ZFHX4: variants seen among roughly 807,000 people sequenced by gnomAD.
The protein encoded by ZFHX4 is zinc finger homeobox protein 4.
Under a neutral mutation model 267.6 loss-of-function variants are expected in ZFHX4, and 56 were observed. That is an observed-to-expected ratio of 0.21 (90% confidence interval 0.17 to 0.26). ZFHX4 has a LOEUF of 0.26. Among genes scored for constraint, ZFHX4 ranks in the 10% least tolerant of loss-of-function variants. The pLI is 1.00. For missense variants in ZFHX4, 4,332 were observed against 4,420.0 expected, an observed-to-expected ratio of 0.98 and a Z score of 0.56; for synonymous variants, 1,778 against 1,665.6, an observed-to-expected ratio of 1.07 and a Z score of -1.64.
At chr8:76,839,100 A>AGAGAGAGAGAGAGAG (rs1491427018) in intron 5 of ZFHX4, among the ~76,000 whole-genome samples, 3 of 137,764 alleles carry the variant, frequency 2.2e-5, no homozygotes, top group Non-Finnish European at 4.7e-5. Flanking sequence ...AGAGAGAGAG[A>AGAGAGAGAGAGAGAG]AGGACAATGG....
intron 3 of ZFHX4, among the ~76,000 whole-genome samples, chr8:76,763,381 G>A (rs1338377684): frequency 2.6e-5 from 4 of 152,166 alleles, no homozygotes; most frequent in Non-Finnish European, 5.9e-5. Flanking sequence ...CCAGCACTTT[G>A]GGAGGCTGAG....
At chr8:76,792,349 A>G (rs1273568077) in intron 4 of ZFHX4, among the ~76,000 whole-genome samples, 3 of 152,186 alleles carry the variant, frequency 2.0e-5, no homozygotes, top group East Asian at 3.8e-4. Flanking sequence ...GCAGGTGTCT[A>G]TTAAAACAAA....
chr8:76,814,596 A>C (rs1422919296), intron 4 of ZFHX4, among the ~76,000 whole-genome samples: 1 of 152,176 alleles, frequency 6.6e-6, no homozygotes, highest in African/African-American at 2.4e-5. Flanking sequence ...AAATTAGAAA[A>C]ATATAGTTTG....
chr8:76,792,594 C>A (rs1040157643), intron 4 of ZFHX4, among the ~76,000 whole-genome samples: 23 of 152,126 alleles, frequency 1.5e-4, no homozygotes, highest in Admixed American at 2.0e-4. Context: ...AAAGGAAGGT[C>A]CAATAATAGA....
chr8:76,683,494 C>T (rs951668001), intron 1 of ZFHX4, among the ~76,000 whole-genome samples: 1 of 151,654 alleles, frequency 6.6e-6, no homozygotes, highest in Non-Finnish European at 1.5e-5. Context: ...GCAGGTTCAC[C>T]AGGAAATCTG....
intron 4 of ZFHX4, among the ~76,000 whole-genome samples, chr8:76,793,723 GT>G (rs1810899162): frequency 6.6e-6 from 1 of 152,156 alleles, no homozygotes; most frequent in African/African-American, 2.4e-5. Context: ...AGGTTGGTCT[GT>G]AGTTTCATTC....
chr8:76,708,831 A>G lies in ZFHX4; in HGVS notation c.3093+783A>G, dbSNP rs975400230. Among the ~76,000 whole-genome samples the G allele has an allele frequency of 3.0e-4, 46 of 152,128 alleles. 3 individuals are homozygous for G. The highest frequency in any genetic ancestry group is 7.4e-5 in the Non-Finnish European group (5 of 68,020). The stretch of plus-strand genomic sequence containing the variant: ...ATATTTTCTGCAGTTTGTTCACTGG[A>G]TTGTCTTGATTGTCTTGGTTCATGT... On this transcript the variant is annotated intron_variant, in intron 3 of 10. Transcript: ENST00000651372.
At chr8:76,774,365 A>C (rs1441470703) in intron 3 of ZFHX4, among the ~76,000 whole-genome samples, 1 of 152,184 alleles carries the variant, frequency 6.6e-6, no homozygotes. Flanking sequence ...ATTCAGATTT[A>C]AAAATAGACG....
rs377065920 is a variant in ZFHX4, at chr8:76,829,669, C to T, written c.3326-3669C>T. 4.6e-4 allele frequency among the ~76,000 whole-genome samples: 70 copies of T among 152,112 alleles called. No homozygotes were observed. In the South Asian group the frequency reaches 0.014, roughly 30 times the overall value. On this transcript the variant is annotated intron_variant, in intron 4 of 10. Transcript: ENST00000651372. ...ACTAAAAATACAAAAATTAGCTGGG[C>T]ATGGTAGTGCGTGGCTATAATCCCA...
Position 76,853,668 on chromosome 8 carries a change from T to C in ZFHX4, c.6747T>C (p.Ala2249=). Residue 2249 remains alanine, a synonymous_variant, in exon 10 of 11, where the codon GCT becomes GCC. Coordinates refer to ENST00000651372, the MANE Select transcript of ZFHX4 (RefSeq NM_024721.5). ...RVLQDFFDTN[A]YPKDDEIEQL... ...TGCAAGACTTTTTTGACACAAACGCTTACCCAAAAGATGATGAAATAGAAC... is the reference window on the plus strand; with the variant it reads ...TGCAAGACTTTTTTGACACAAACGCCTACCCAAAAGATGATGAAATAGAAC... The C allele has an allele frequency of 6.2e-7, 1 of 1,613,624 alleles. No homozygotes were observed. Among genetic ancestry groups the C allele is most frequent in the Non-Finnish European group, 8.5e-7 (1 of 1,179,764 alleles).
chr8:76,765,282 A>G lies in ZFHX4; in HGVS notation c.3094-12926A>G, dbSNP rs1810022418. Among the ~76,000 whole-genome samples, 5 of 152,164 alleles carry G rather than the reference A, an allele frequency of 3.3e-5. No homozygotes were observed. In the South Asian group the frequency reaches 1.0e-3, roughly 32 times the overall value. ...AATCCTTGTGCAAAGTTCTACCAGA[A>G]AGCACGATTTTAAAAAATCATCGTA... On this transcript the variant is annotated intron_variant, in intron 3 of 10. Coordinates refer to ENST00000651372, the MANE Select transcript of ZFHX4 (RefSeq NM_024721.5).
chr8:76,850,054 A>C, intron 8 of ZFHX4, 191 bp from the exon 9 acceptor site: 1 of 589,198 alleles, frequency 1.7e-6, no homozygotes. Context: ...CCATAATAAT[A>C]ATAATACAAC....
At chr8:76,800,882 T>A (rs1326215717) in intron 4 of ZFHX4, among the ~76,000 whole-genome samples, 1 of 152,218 alleles carries the variant, frequency 6.6e-6, no homozygotes, top group East Asian at 1.9e-4. Context: ...CCTCCACTTT[T>A]GTTGAAGGCC....
chr8:76,849,195 C>A, intron 7 of ZFHX4, 67 bp downstream of exon 7: 2 of 1,464,626 alleles, frequency 1.4e-6, no homozygotes, highest in South Asian at 1.4e-5. Context: ...AGTTTTAAAG[C>A]CCCAAATGAT....
Position 76,705,144 on chromosome 8 carries a change from C to G in ZFHX4, c.1056C>G (p.Asn352Lys). ...TTTATCCCCATTTTTCTACTACAAA[C>G]CTCATAGGACCCGATCCAACCTTCC... is the stretch of plus-strand genomic sequence containing the variant. Reference protein sequence around the residue: ...TSVYPHFSTTNLIGPDPTFRG... With the variant: ...TSVYPHFSTTKLIGPDPTFRG... Residue 352 changes from asparagine (N) to lysine (K), a missense_variant, in exon 2 of 11, where the codon AAC becomes AAG. Transcript: ENST00000651372. 1 of 1,613,838 alleles carries G rather than the reference C, an allele frequency of 6.2e-7. No homozygotes were observed. The highest frequency in any genetic ancestry group is 1.1e-5 in the South Asian group (1 of 91,060).
chr8:76,725,073 T>C (rs1808818099), intron 3 of ZFHX4, among the ~76,000 whole-genome samples: 1 of 152,232 alleles, frequency 6.6e-6, no homozygotes, highest in South Asian at 2.1e-4. Flanking sequence ...TCATCCTGTG[T>C]ATGAAAGGGA....
chr8:76,843,139 T>C (rs902918403), intron 6 of ZFHX4, among the ~76,000 whole-genome samples: 9 of 152,220 alleles, frequency 5.9e-5, no homozygotes, highest in African/African-American at 2.2e-4. Flanking sequence ...TAATTTTTCA[T>C]AAGCATAGGA....
intron 4 of ZFHX4, among the ~76,000 whole-genome samples, chr8:76,811,912 G>A (rs188421620): frequency 5.9e-5 from 9 of 152,134 alleles, no homozygotes; most frequent in East Asian, 3.9e-4. Context: ...CAACAAGAGC[G>A]AAATTCCGTC....
intron 2 of ZFHX4, 76 bp downstream of exon 2, chr8:76,706,754 A>G (rs1808287236): frequency 4.9e-6 from 7 of 1,418,550 alleles, no homozygotes. Flanking sequence ...ACCCAGATAA[A>G]ATGGTGAGTG....
Sources: allele counts gnomAD v4.1 joint callset (sites outside exome capture counted in the v4.1 genomes callset), GRCh38; gene constraint gnomAD v4.1.1; transcripts MANE v1.5; gene names NCBI Gene and HGNC (gene_info 2026-07-23, HGNC 2026-07-21).